The following EYS variants were observed in gnomAD, a reference collection of about 807,000 sequenced individuals.
The protein encoded by EYS is protein eyes shut homolog.
In EYS, 250 loss-of-function variants were observed where a neutral mutation model predicts 282.1. That is an observed-to-expected ratio of 0.89 (90% CI 0.80 to 0.98). The LOEUF is 0.98. Ranked by LOEUF, EYS falls within the 50% of genes least tolerant of loss-of-function variation. EYS has a pLI of 0.00. For missense variants in EYS, 4,016 were observed against 3,709.0 expected (o/e 1.08, Z -2.15); for synonymous variants, 1,355 against 1,282.9 (o/e 1.06, Z -1.20).
rs372016297 is a variant in EYS, at chr6:64,932,259, T to C, written c.2381+13534A>G. On this transcript the variant is annotated intron_variant, in intron 15 of 42. Transcript: ENST00000503581. ...GGAGGGGGAGGGGATAGTACAGGTA[T>C]GCATTTGACTCAAAAGACCCTTCCC... Among the ~76,000 whole-genome samples the C allele has an allele frequency of 1.1e-4, 17 of 152,140 alleles. 1 individual carries two copies. The highest frequency in any genetic ancestry group is 4.1e-4 in the African/African-American group (17 of 41,532).
intron 24 of EYS, among the ~76,000 whole-genome samples, chr6:64,606,058 T>A (rs1288441447): frequency 6.6e-6 from 1 of 152,028 alleles, no homozygotes; most frequent in Non-Finnish European, 1.5e-5. Context: ...CTTACCCATT[T>A]CTTTTCTGTG....
At chr6:64,067,462 T>C (rs1372230635) in intron 32 of EYS, among the ~76,000 whole-genome samples, 4 of 152,156 alleles carry the variant, frequency 2.6e-5, no homozygotes, top group African/African-American at 9.7e-5. Context: ...GATTTTAATC[T>C]TCCTATTAGT....
chr6:63,799,864 GGA>G (rs762694413), intron 37 of EYS, among the ~76,000 whole-genome samples: 10 of 152,318 alleles, frequency 6.6e-5, no homozygotes, highest in Non-Finnish European at 1.3e-4. Context: ...GTAGGTACTG[GGA>G]GAGGTAAAGA....
intron 31 of EYS, among the ~76,000 whole-genome samples, chr6:64,120,751 A>G (rs891825306): frequency 3.9e-5 from 6 of 152,208 alleles, no homozygotes; most frequent in African/African-American, 1.4e-4. Flanking sequence ...ATTTAGTTAT[A>G]TAAGTTTGTG....
At chr6:64,788,437 C>T (rs549384549) in intron 22 of EYS, among the ~76,000 whole-genome samples, 68 of 152,258 alleles carry the variant, frequency 4.5e-4, no homozygotes, top group African/African-American at 1.4e-3. Flanking sequence ...CTAGTGATGC[C>T]TATTGTTCAA....
intron 16 of EYS, among the ~76,000 whole-genome samples, chr6:64,911,775 A>G (rs1176529245): frequency 1.3e-5 from 2 of 152,144 alleles, no homozygotes; most frequent in Admixed American, 1.3e-4. Flanking sequence ...GCTTATGAGT[A>G]GCCATTGATA....
chr6:65,575,615 G>T (rs1014878585), intron 2 of EYS, among the ~76,000 whole-genome samples: 2 of 151,554 alleles, frequency 1.3e-5, no homozygotes, highest in African/African-American at 4.8e-5. Flanking sequence ...AAATAATATA[G>T]ACATGAGAAA....
At chr6:65,006,605 G>A (rs1771672711) in intron 13 of EYS, among the ~76,000 whole-genome samples, 1 of 150,962 alleles carries the variant, frequency 6.6e-6, no homozygotes, top group Non-Finnish European at 1.5e-5. Context: ...TCCAACCACT[G>A]ATAATTCCCT....
At chr6:64,765,752 C>A (rs1307510467) in intron 22 of EYS, among the ~76,000 whole-genome samples, 1 of 152,026 alleles carries the variant, frequency 6.6e-6, no homozygotes, top group Non-Finnish European at 1.5e-5. Context: ...ACTATCAGAT[C>A]TCATGAGATC....
chr6:65,318,279 CAG>C (rs375488041), intron 11 of EYS, among the ~76,000 whole-genome samples: 8 of 149,906 alleles, frequency 5.3e-5, no homozygotes, highest in Admixed American at 6.6e-5. Context: ...AGCAATAGAT[CAG>C]AGAGAGAGAG....
chr6:63,977,157 A>G (rs1051108734), intron 35 of EYS, among the ~76,000 whole-genome samples: 42 of 151,900 alleles, frequency 2.8e-4, no homozygotes, highest in African/African-American at 9.9e-4. Context: ...TCTATATATA[A>G]TACAAATTAT....
intron 22 of EYS, among the ~76,000 whole-genome samples, chr6:64,764,253 T>C (rs138426665): frequency 1.3e-5 from 2 of 152,310 alleles, no homozygotes; most frequent in African/African-American, 4.8e-5. Flanking sequence ...TGCCTAGAAA[T>C]CCAGGCATTT....
intron 2 of EYS, among the ~76,000 whole-genome samples, chr6:65,537,099 A>C (rs1174400017): frequency 6.6e-6 from 1 of 152,194 alleles, no homozygotes; most frequent in African/African-American, 2.4e-5. Flanking sequence ...ACTCATGAAG[A>C]GAAAAACAAA....
At chr6:63,723,891 G>A (rs1046976189) in intron 42 of EYS, among the ~76,000 whole-genome samples, 1 of 150,870 alleles carries the variant, frequency 6.6e-6, no homozygotes, top group Non-Finnish European at 1.5e-5. Flanking sequence ...GTGCAATCTC[G>A]GCTCACTGCA....
chr6:63,968,436 G>A (rs762702368), intron 35 of EYS, among the ~76,000 whole-genome samples: 17 of 152,196 alleles, frequency 1.1e-4, no homozygotes, highest in South Asian at 2.1e-4. Flanking sequence ...AAATGCAGGG[G>A]TATGTGTGGA....
intron 35 of EYS, among the ~76,000 whole-genome samples, chr6:63,898,666 A>G (rs571800124): frequency 3.9e-4 from 59 of 152,268 alleles, no homozygotes; most frequent in Admixed American, 1.0e-3. Flanking sequence ...AATTTATATC[A>G]CACACAACTT....
At chr6:65,477,184 T>G (rs1765441905) in intron 5 of EYS, among the ~76,000 whole-genome samples, 1 of 152,154 alleles carries the variant, frequency 6.6e-6, no homozygotes, top group African/African-American at 2.4e-5. Flanking sequence ...CATTTTCAAG[T>G]TTTTGTACTA....
At chr6:64,044,126 T>C (rs1277407350) in intron 33 of EYS, among the ~76,000 whole-genome samples, 1 of 152,218 alleles carries the variant, frequency 6.6e-6, no homozygotes, top group Non-Finnish European at 1.5e-5. Flanking sequence ...GAAAATAGGA[T>C]TCCAAATATG....
At chr6:64,157,971 G>A (rs912789075) in intron 31 of EYS, among the ~76,000 whole-genome samples, 7 of 152,290 alleles carry the variant, frequency 4.6e-5, no homozygotes, top group East Asian at 1.9e-4. Context: ...AGCTTGCACC[G>A]TTTGGCTGGA....
Sources: gnomAD v4.1 joint callset for allele counts (sites outside exome capture counted in the v4.1 genomes callset) on GRCh38, gnomAD v4.1.1 for gene constraint, MANE v1.5 for transcripts, NCBI Gene and HGNC (gene_info 2026-07-23, HGNC 2026-07-21) for gene names.